PPHLN1: variants seen among roughly 807,000 people sequenced by gnomAD.
PPHLN1 encodes the protein periphilin 1.
PPHLN1 carries 29 observed loss-of-function variants against 51.3 expected under a neutral mutation model. The observed-to-expected ratio is 0.57, with a 90% CI of 0.42 to 0.77. The LOEUF (loss-of-function observed/expected upper bound fraction) is 0.77. Ranked by LOEUF, PPHLN1 falls within the 30% of genes least tolerant of loss-of-function variation. The pLI, the probability that PPHLN1 is intolerant of heterozygous loss-of-function variation, is 0.00. For missense variants in PPHLN1, 436 were observed against 438.4 expected, an observed-to-expected ratio of 0.99 and a Z score of 0.05; for synonymous variants, 147 against 147.8, an observed-to-expected ratio of 0.99 and a Z score of 0.04.
In PPHLN1 at chr12:42,389,403, A is replaced by C. The variant is rs748945590; in HGVS notation, c.648+1868A>C. ...AAAACAAAAATAAACAAACAAAAAA[A>C]AAAACAATTAGCCGGGTGTGGTGGC... On this transcript the variant is annotated intron_variant, in intron 7 of 9. Coordinates refer to ENST00000358314, the MANE Select transcript of PPHLN1 (RefSeq NM_201439.2). 1.7e-3 allele frequency among the ~76,000 whole-genome samples: 254 copies of C among 150,572 alleles called. 7 individuals carry two copies. In the East Asian group the frequency reaches 0.045, roughly 27 times the overall value.
intron 9 of PPHLN1, among the ~76,000 whole-genome samples, chr12:42,423,977 G>A (rs1052757300): frequency 2.0e-5 from 3 of 152,078 alleles, no homozygotes; most frequent in East Asian, 1.9e-4. Context: ...GCACCTGGCC[G>A]ACCATGGAAA....
chr12:42,401,129 C>T (rs1430236170), intron 9 of PPHLN1, among the ~76,000 whole-genome samples: 2 of 152,122 alleles, frequency 1.3e-5, no homozygotes, highest in African/African-American at 2.4e-5. Flanking sequence ...TTGTACCAGT[C>T]ACCGTCAACC....
chr12:42,428,696 C>T (rs928416938), intron 9 of PPHLN1, among the ~76,000 whole-genome samples: 1 of 151,932 alleles, frequency 6.6e-6, no homozygotes, highest in Non-Finnish European at 1.5e-5. Flanking sequence ...GTGATGAGTA[C>T]ACCAAAATCT....
intron 7 of PPHLN1, among the ~76,000 whole-genome samples, chr12:42,388,348 C>T (rs940699459): frequency 3.3e-5 from 5 of 152,142 alleles, no homozygotes; most frequent in African/African-American, 1.2e-4. Flanking sequence ...TTCTTTACTC[C>T]ACTGAGATGT....
In PPHLN1 at chr12:42,335,881, A is replaced by C; in HGVS notation, c.-20-2A>C. The stretch of plus-strand genomic sequence containing the variant: ...ATCCATAATTCTTTTTTTTTTCTTT[A>C]GTGGCTTACAGAAGAGACGAAATGT... On this transcript the variant is annotated splice_acceptor_variant, in intron 1 of 9. Coordinates refer to ENST00000358314, the MANE Select transcript of PPHLN1 (RefSeq NM_201439.2). LOFTEE classifies it low-confidence loss of function (5UTR_SPLICE). 6.8e-7 allele frequency: 1 copy of C among 1,476,242 alleles called. No homozygotes were observed. 91.4% of individuals were successfully genotyped at this position (1,476,242 alleles called of 1,614,324 possible).
chr12:42,329,108 T>G (rs7134255), intron 1 of PPHLN1, among the ~76,000 whole-genome samples: 80,757 of 128,032 alleles, frequency 0.63, 26,732 homozygotes, highest in Non-Finnish European at 0.75. Flanking sequence ...TTTTTTTTTT[T>G]TGTGTGTGTG....
rs185892803 is a variant in PPHLN1, at chr12:42,338,138, G to C, written c.72+2164G>C. Among the ~76,000 whole-genome samples, 20 of 152,290 alleles carry C rather than the reference G, an allele frequency of 1.3e-4. No individual in the cohort carries two copies. The East Asian group carries it at 2.9e-3, about 22-fold the overall frequency. On this transcript the variant is annotated intron_variant, in intron 2 of 9. Coordinates refer to ENST00000358314, the MANE Select transcript of PPHLN1 (RefSeq NM_201439.2). The stretch of plus-strand genomic sequence containing the variant: ...GACAGGGTTTTGCCGTGTTGGCCAG[G>C]CTGGTCTCGAACTCCTGGCCTGAAG...
chr12:42,404,803 G>A (rs1401750728), intron 9 of PPHLN1, among the ~76,000 whole-genome samples: 1 of 152,200 alleles, frequency 6.6e-6, no homozygotes, highest in Non-Finnish European at 1.5e-5. Flanking sequence ...GCTGAAGCAG[G>A]CGGATCACAA....
downstream of PPHLN1, chr12:42,446,014 A>G: frequency 6.5e-7 from 1 of 1,534,154 alleles, no homozygotes; most frequent in African/African-American, 1.4e-5. Context: ...ACCATACCAT[A>G]GTGGGGCTAG....
chr12:42,444,311 T>C (rs2083175681), downstream of PPHLN1: 1 of 151,726 alleles, frequency 6.6e-6, no homozygotes, highest in Admixed American at 6.6e-5. Context: ...GCATAACTAC[T>C]GATAAATTAC....
chr12:42,396,650 C>CAAAAAAAAAAAA (rs2078241520), intron 8 of PPHLN1, among the ~76,000 whole-genome samples: 1 of 61,416 alleles, frequency 1.6e-5, no homozygotes. Flanking sequence ...AAAAAAAAAG[C>CAAAAAAAAAAAA]TGGGTGTGGT....
At position 42,387,448 on chromosome 12, in the gene PPHLN1, T is replaced by A; in HGVS notation, c.569-8T>A. On this transcript the variant is annotated splice_region_variant and splice_polypyrimidine_tract_variant and intron_variant, in intron 6 of 9. Coordinates refer to ENST00000358314, the MANE Select transcript of PPHLN1 (RefSeq NM_201439.2). ...AAAAAAAATTACATCTTATGTTTTC[T>A]TATATAGATAAAGAGAGGCCTGTCC... is the stretch of plus-strand genomic sequence containing the variant. The A allele has an allele frequency of 1.3e-6, 2 of 1,597,628 alleles. No homozygotes were observed. The highest frequency in any genetic ancestry group is 1.7e-6 in the Non-Finnish European group (2 of 1,175,404).
At chr12:42,438,796 G>T (rs2082695037) in intron 9 of PPHLN1, among the ~76,000 whole-genome samples, 1 of 151,956 alleles carries the variant, frequency 6.6e-6, no homozygotes, top group African/African-American at 2.4e-5. Context: ...AGAGATGGGG[G>T]TTTCATCATA....
At position 42,398,869 on chromosome 12, in the gene PPHLN1, C is replaced by G. The variant is rs191890467; in HGVS notation, c.784C>G (p.Pro262Ala). 3.7e-4 allele frequency: 605 copies of G among 1,613,646 alleles called. 6 individuals are homozygous for G. The Admixed American group carries it at 0.01, about 27-fold the overall frequency. Reference sequence around the variant, plus strand: ...CCTTTTCAAGGCGGGATCCACAGCACCATTGTTTACTGACCAGCCAGAGGA... The same window carrying G: ...CCTTTTCAAGGCGGGATCCACAGCAGCATTGTTTACTGACCAGCCAGAGGA... ...ISEYEAGSTA[P>A]LFTDQPEEPE... The change falls in exon 9 of 10, where the codon CCA becomes GCA. Residue 262 changes from proline (P) to alanine (A), a missense_variant. Coordinates refer to ENST00000358314, the MANE Select transcript of PPHLN1 (RefSeq NM_201439.2).
At chr12:42,366,281 G>A (rs555507775) in intron 4 of PPHLN1, among the ~76,000 whole-genome samples, 1 of 140,832 alleles carries the variant, frequency 7.1e-6, no homozygotes, top group Non-Finnish European at 1.5e-5. Context: ...AGGCTGGAGT[G>A]CAGTGGTGCG....
intron 4 of PPHLN1, among the ~76,000 whole-genome samples, chr12:42,360,110 C>CAAAAAAAAAAAAAAAAAAAA (rs10643805): frequency 3.5e-4 from 43 of 123,068 alleles, no homozygotes; most frequent in Middle Eastern, 3.8e-3. Flanking sequence ...GACTCCATCT[C>CAAAAAAAAAAAAAAAAAAAA]AAAAAAAAAA....
chr12:42,442,633 TCG>T, downstream of PPHLN1: 1 of 1,613,956 alleles, frequency 6.2e-7, no homozygotes. Context: ...ATCCGGTCGC[TCG>T]GCCAGAGTCT....
chr12:42,351,791 A>G (rs2073396113), intron 2 of PPHLN1, 94 bp from the exon 3 acceptor site: 4 of 1,016,040 alleles, frequency 3.9e-6, no homozygotes, highest in Non-Finnish European at 5.5e-6. Context: ...AGCTCATTCG[A>G]TTAAGGGTAA....
chr12:42,356,003 ATTAC>A (rs1157779191), intron 4 of PPHLN1, among the ~76,000 whole-genome samples: 2 of 152,182 alleles, frequency 1.3e-5, no homozygotes, highest in South Asian at 4.1e-4. Flanking sequence ...GTTGGCTTTG[ATTAC>A]TTACAGAGGG....
Sources: allele counts gnomAD v4.1 joint callset (sites outside exome capture counted in the v4.1 genomes callset), GRCh38; gene constraint gnomAD v4.1.1; transcripts MANE v1.5; gene names NCBI Gene and HGNC (gene_info 2026-07-23, HGNC 2026-07-21).